NDC1: variants seen among roughly 807,000 people sequenced by gnomAD.
The protein encoded by NDC1 is nucleoporin NDC1.
In NDC1, 24 loss-of-function variants were observed where a neutral mutation model predicts 89.8. That is an observed-to-expected ratio of 0.27 (90% confidence interval 0.19 to 0.38). The LOEUF is 0.38. NDC1 is among the 10% of genes least tolerant of loss of function. The pLI is 1.00. For synonymous variants in NDC1, 296 were observed against 284.8 expected, an observed-to-expected ratio of 1.04 and a Z score of -0.39; for missense variants, 728 against 797.6, an observed-to-expected ratio of 0.91 and a Z score of 1.05.
At chr1:53,774,410 T>C (rs893827198) in intron 16 of NDC1, among the ~76,000 whole-genome samples, 2 of 152,232 alleles carry the variant, frequency 1.3e-5, no homozygotes, top group South Asian at 2.1e-4. Context: ...TGTTCCATCA[T>C]AATGGAAAAG....
chr1:53,769,824 A>T (rs937786745), intron 17 of NDC1, among the ~76,000 whole-genome samples: 4 of 152,250 alleles, frequency 2.6e-5, no homozygotes, highest in African/African-American at 4.8e-5. Flanking sequence ...CTGTATCAGA[A>T]AGATTCAGAA....
intron 6 of NDC1, among the ~76,000 whole-genome samples, chr1:53,812,921 C>T (rs189890736): frequency 4.3e-4 from 66 of 152,240 alleles, no homozygotes; most frequent in Admixed American, 3.8e-3. Flanking sequence ...AGCAGAAACC[C>T]GACAAGCTAG....
At chr1:53,779,702 C>T (rs1647188789) in intron 16 of NDC1, among the ~76,000 whole-genome samples, 1 of 152,212 alleles carries the variant, frequency 6.6e-6, no homozygotes, top group Non-Finnish European at 1.5e-5. Context: ...TGTACTCACA[C>T]AGAAAATAGT....
intron 6 of NDC1, among the ~76,000 whole-genome samples, 195 bp from the exon 7 acceptor site, chr1:53,809,941 T>C (rs1648247885): frequency 6.6e-6 from 1 of 152,224 alleles, no homozygotes; most frequent in South Asian, 2.1e-4. Flanking sequence ...AGTTCTGATA[T>C]ATACACATTT....
At chr1:53,793,021 G>T (rs575998092) in intron 14 of NDC1, among the ~76,000 whole-genome samples, 6 of 152,354 alleles carry the variant, frequency 3.9e-5, no homozygotes, top group Middle Eastern at 6.8e-3. Context: ...GAGGCAACTA[G>T]AGAGTCAAGC....
At chr1:53,823,658 T>C (rs1205360281) in intron 5 of NDC1, among the ~76,000 whole-genome samples, 4 of 152,244 alleles carry the variant, frequency 2.6e-5, no homozygotes, top group African/African-American at 9.6e-5. Flanking sequence ...ATATTCTTAA[T>C]TTTGTTAGAA....
intron 10 of NDC1, 65 bp from the exon 11 acceptor site, chr1:53,800,913 GA>G: frequency 2.8e-6 from 4 of 1,433,158 alleles, no homozygotes; most frequent in Non-Finnish European, 2.8e-6. Flanking sequence ...TGAAGTGGGG[GA>G]AAAAGTCAGT....
intron 16 of NDC1, among the ~76,000 whole-genome samples, chr1:53,781,879 A>G (rs567737418): frequency 8.5e-5 from 13 of 152,238 alleles, no homozygotes; most frequent in African/African-American, 3.1e-4. Flanking sequence ...GCCCCAAAAC[A>G]GAAGTCTTCG....
chr1:53,789,770 G>A (rs958463487), intron 14 of NDC1, among the ~76,000 whole-genome samples: 3 of 148,270 alleles, frequency 2.0e-5, no homozygotes, highest in East Asian at 2.0e-4. Flanking sequence ...TTGCACTCCA[G>A]CCTGGGCAAC....
chr1:53,768,196 A>C (rs1570146060), intron 17 of NDC1, among the ~76,000 whole-genome samples, 163 bp from the exon 18 acceptor site: 1 of 152,378 alleles, frequency 6.6e-6, no homozygotes, highest in East Asian at 1.9e-4. Flanking sequence ...TTTTTAATCT[A>C]ATGAAGAGGA....
intron 16 of NDC1, among the ~76,000 whole-genome samples, chr1:53,782,406 G>C (rs1294326985): frequency 1.3e-5 from 2 of 152,216 alleles, no homozygotes; most frequent in African/African-American, 4.8e-5. Context: ...GCAGCTCAAG[G>C]ACATGGGGAC....
At chr1:53,804,759 G>A (rs1648045824) in intron 9 of NDC1, among the ~76,000 whole-genome samples, 2 of 151,384 alleles carry the variant, frequency 1.3e-5, no homozygotes, top group African/African-American at 4.8e-5. Context: ...TTACAGGCAT[G>A]AGCCACCATG....
At chr1:53,813,562 C>T (rs1304257938) in intron 6 of NDC1, among the ~76,000 whole-genome samples, 2 of 152,090 alleles carry the variant, frequency 1.3e-5, no homozygotes, top group Admixed American at 1.3e-4. Flanking sequence ...TAAAAGGTCT[C>T]GTCCAACAGG....
At position 53,800,767 on chromosome 1, in the gene NDC1, T is replaced by TA; in HGVS notation, c.1147dup (p.Tyr383LeufsTer20). 1 of 1,614,048 alleles carries TA rather than the reference T, an allele frequency of 6.2e-7. No homozygotes were observed. Among genetic ancestry groups the TA allele is most frequent in the Non-Finnish European group, 8.5e-7 (1 of 1,179,934 alleles). On this transcript the variant is annotated frameshift_variant, in exon 11 of 18. Coordinates refer to ENST00000371429, the MANE Select transcript of NDC1 (RefSeq NM_018087.5). LOFTEE classifies it high-confidence loss of function. ...CCCATTCGTAGCAGCAGCTTCTTGA[T>TA]AGAGAATCAGTTTCTGAGTCATACC... is the stretch of plus-strand genomic sequence containing the variant.
At chr1:53,785,875 G>C (rs1647290321) in intron 16 of NDC1, among the ~76,000 whole-genome samples, 1 of 151,850 alleles carries the variant, frequency 6.6e-6, no homozygotes, top group Non-Finnish European at 1.5e-5. Flanking sequence ...TCCTCCAGAA[G>C]GCCTACTATA....
intron 11 of NDC1, among the ~76,000 whole-genome samples, chr1:53,800,414 C>G (rs1424259648): frequency 7.2e-6 from 1 of 138,880 alleles, no homozygotes; most frequent in African/African-American, 2.7e-5. Flanking sequence ...CAGCTCACTG[C>G]AAACTCCGCC....
intron 9 of NDC1, among the ~76,000 whole-genome samples, 200 bp downstream of exon 9, chr1:53,806,225 G>T (rs1221904663): frequency 1.3e-5 from 2 of 152,162 alleles, no homozygotes; most frequent in East Asian, 3.8e-4. Flanking sequence ...CACATACACT[G>T]TACTGTGCAC....
chr1:53,791,383 C>A (rs1375013798), intron 14 of NDC1, among the ~76,000 whole-genome samples: 1 of 151,442 alleles, frequency 6.6e-6, no homozygotes, highest in Non-Finnish European at 1.5e-5. Context: ...TTGCAGTGAG[C>A]CCAGATCGCG....
At chr1:53,782,048 T>C (rs1030532119) in intron 16 of NDC1, among the ~76,000 whole-genome samples, 1 of 151,830 alleles carries the variant, frequency 6.6e-6, no homozygotes, top group African/African-American at 2.4e-5. Flanking sequence ...TAAAAGTCAA[T>C]AAAGACAATA....
Sources: allele counts gnomAD v4.1 joint callset (sites outside exome capture counted in the v4.1 genomes callset), GRCh38; gene constraint gnomAD v4.1.1; transcripts MANE v1.5; gene names NCBI Gene and HGNC (gene_info 2026-07-23, HGNC 2026-07-21).